The following ASTN2 variants were observed in gnomAD, a reference collection of about 807,000 sequenced individuals.
ASTN2 encodes the protein astrotactin-2.
In ASTN2, 54 loss-of-function variants were observed where a neutral mutation model predicts 139.8. That is an observed-to-expected ratio of 0.39 (90% confidence interval 0.31 to 0.48). The LOEUF (loss-of-function observed/expected upper bound fraction) is 0.48. Among genes scored for constraint, ASTN2 ranks in the 20% least tolerant of loss-of-function variants. The pLI is 0.95. For missense variants in ASTN2, 1,565 were observed against 1,725.1 expected, an observed-to-expected ratio of 0.91 and a Z score of 1.64; for synonymous variants, 756 against 719.5, an observed-to-expected ratio of 1.05 and a Z score of -0.81.
chr9:116,941,643 C>A (rs1835233575), intron 10 of ASTN2, among the ~76,000 whole-genome samples: 1 of 148,926 alleles, frequency 6.7e-6, no homozygotes, highest in Non-Finnish European at 1.5e-5. Context: ...TAATGCTTGA[C>A]AAAATAATTG....
chr9:117,163,271 C>T (rs1474227205), intron 3 of ASTN2, among the ~76,000 whole-genome samples: 1 of 151,994 alleles, frequency 6.6e-6, no homozygotes, highest in African/African-American at 2.4e-5. Flanking sequence ...AAATATATGG[C>T]ATTGAACATC....
At chr9:117,213,956 C>G (rs1358624928) in intron 3 of ASTN2, among the ~76,000 whole-genome samples, 1 of 152,148 alleles carries the variant, frequency 6.6e-6, no homozygotes, top group Non-Finnish European at 1.5e-5. Flanking sequence ...AGATCACTTT[C>G]CTTTTGGACA....
intron 2 of ASTN2, among the ~76,000 whole-genome samples, chr9:117,255,454 C>T (rs1359751103): frequency 1.3e-5 from 2 of 152,204 alleles, no homozygotes; most frequent in African/African-American, 4.8e-5. Context: ...AAGAAACAGG[C>T]TCACAAATAG....
At chr9:116,593,522 C>T (rs1854453281) in intron 19 of ASTN2, among the ~76,000 whole-genome samples, 3 of 152,200 alleles carry the variant, frequency 2.0e-5, no homozygotes, top group Admixed American at 6.5e-5. Context: ...CTGCCAAGAT[C>T]CTATGCAAGC....
intron 6 of ASTN2, among the ~76,000 whole-genome samples, chr9:117,009,809 T>G (rs1322036890): frequency 6.6e-6 from 1 of 152,214 alleles, no homozygotes; most frequent in Non-Finnish European, 1.5e-5. Flanking sequence ...CTCTGCTGGC[T>G]GACCTATGGT....
In ASTN2 at chr9:116,698,659, C is replaced by G. The variant is rs756710806; in HGVS notation, c.2806+27112G>C. The G allele has an allele frequency of 6.2e-7, 1 of 1,614,130 alleles. No individual in the cohort carries two copies. The highest frequency in any genetic ancestry group is 1.3e-5 in the African/African-American group (1 of 75,070). On this transcript the variant is annotated intron_variant, in intron 16 of 22. Coordinates refer to ENST00000313400, the MANE Select transcript of ASTN2 (RefSeq NM_001365068.1). This position sits in a 1 kb window ranked among gnomAD's most constrained non-coding sequence, Gnocchi z 4.4. ...CCCCGGACAGTTAACGTGGAAGATT[C>G]CTGGGCCATGGAGGCCACAGCGTCT... is the stretch of plus-strand genomic sequence containing the variant.
At chr9:117,215,189 C>T (rs549712083) in intron 2 of ASTN2, among the ~76,000 whole-genome samples, 2 of 152,278 alleles carry the variant, frequency 1.3e-5, no homozygotes, top group African/African-American at 4.8e-5. Context: ...TACGCTCCCC[C>T]AGCCTTGCTT....
chr9:116,999,699 A>G (rs1837137935), intron 7 of ASTN2, among the ~76,000 whole-genome samples: 1 of 151,720 alleles, frequency 6.6e-6, no homozygotes, highest in Non-Finnish European at 1.5e-5. Flanking sequence ...AGCTGAGATT[A>G]TGGGCATGTA....
intron 5 of ASTN2, among the ~76,000 whole-genome samples, chr9:117,077,261 T>C (rs1828305893): frequency 6.6e-6 from 1 of 152,168 alleles, no homozygotes; most frequent in African/African-American, 2.4e-5. Context: ...CGAGACTCAA[T>C]GGAGCTCCTG....
chr9:117,314,826 A>T (rs933367610), intron 1 of ASTN2, among the ~76,000 whole-genome samples: 10 of 145,802 alleles, frequency 6.9e-5, no homozygotes, highest in Non-Finnish European at 1.5e-4. Context: ...ATATAACTAT[A>T]TAATTATAAT....
intron 4 of ASTN2, among the ~76,000 whole-genome samples, chr9:117,113,366 C>T (rs1829295811): frequency 6.6e-6 from 1 of 152,154 alleles, no homozygotes; most frequent in Non-Finnish European, 1.5e-5. Flanking sequence ...TAAAATACAG[C>T]ATATTTAGGC....
intron 19 of ASTN2, among the ~76,000 whole-genome samples, chr9:116,510,793 GCT>G (rs1323861046): frequency 6.6e-6 from 1 of 151,952 alleles, no homozygotes; most frequent in Non-Finnish European, 1.5e-5. Context: ...TCATGATTTG[GCT>G]CTCTGTTTGT....
At chr9:117,002,526 A>T (rs560881925) in intron 7 of ASTN2, among the ~76,000 whole-genome samples, 93 of 152,332 alleles carry the variant, frequency 6.1e-4, no homozygotes, top group Admixed American at 1.4e-3. Context: ...TAGAATTCAG[A>T]TACATGGATG....
At chr9:116,554,952 A>C (rs1050140785) in intron 19 of ASTN2, among the ~76,000 whole-genome samples, 1 of 152,196 alleles carries the variant, frequency 6.6e-6, no homozygotes, top group Non-Finnish European at 1.5e-5. Context: ...TTGATTTTCC[A>C]GGGTCTTTCG....
At chr9:117,159,619 T>C (rs10818004) in intron 3 of ASTN2, among the ~76,000 whole-genome samples, 75,284 of 151,854 alleles carry the variant, frequency 0.5, 19,338 homozygotes, top group East Asian at 0.68. Flanking sequence ...CTAAATTTTG[T>C]GCATCTACTG....
At chr9:117,188,817 G>A (rs1831272666) in intron 3 of ASTN2, among the ~76,000 whole-genome samples, 1 of 152,196 alleles carries the variant, frequency 6.6e-6, no homozygotes, top group African/African-American at 2.4e-5. Flanking sequence ...GACTGTAAAA[G>A]CATCCACATT....
intron 13 of ASTN2, among the ~76,000 whole-genome samples, chr9:116,738,371 C>T (rs1414063000): frequency 6.8e-6 from 1 of 148,054 alleles, no homozygotes; most frequent in African/African-American, 2.5e-5. Flanking sequence ...CATGGTGGCA[C>T]CCACCTGTAA....
intron 5 of ASTN2, among the ~76,000 whole-genome samples, chr9:117,053,424 C>G (rs1025157326): frequency 6.6e-6 from 1 of 151,976 alleles, no homozygotes; most frequent in East Asian, 1.9e-4. Flanking sequence ...TGTACTCCAG[C>G]CTGGGTGATA....
At chr9:117,058,152 T>C (rs1274201930) in intron 5 of ASTN2, among the ~76,000 whole-genome samples, 1 of 152,180 alleles carries the variant, frequency 6.6e-6, no homozygotes, top group Non-Finnish European at 1.5e-5. Flanking sequence ...CCAAACCTGG[T>C]ATTGAGTATC....
Sources: allele counts gnomAD v4.1 joint callset (sites outside exome capture counted in the v4.1 genomes callset), GRCh38; gene constraint gnomAD v4.1.1; non-coding constraint Gnocchi (gnomAD v3.1); transcripts MANE v1.5; gene names NCBI Gene and HGNC (gene_info 2026-07-23, HGNC 2026-07-21).